Variants in CDH13 observed in about 807,000 individuals in gnomAD.
CDH13 encodes cadherin-13.
Under a neutral mutation model 63.8 loss-of-function variants are expected in CDH13, and 24 were observed. The ratio of observed to expected loss-of-function variants is 0.38; its 90% confidence interval spans 0.27 to 0.53. CDH13 has a LOEUF of 0.53. Among genes scored for constraint, CDH13 ranks in the 20% least tolerant of loss-of-function variants. The pLI, the probability that CDH13 is intolerant of heterozygous loss-of-function variation, is 0.85. For synonymous variants in CDH13, 503 were observed against 355.3 expected (o/e 1.42, Z -4.67); for missense variants, 1,049 against 903.1 (o/e 1.16, Z -2.07).
intron 3 of CDH13, among the ~76,000 whole-genome samples, chr16:83,103,517 A>G (rs1473424896): frequency 6.6e-6 from 1 of 152,154 alleles, no homozygotes; most frequent in African/African-American, 2.4e-5. Context: ...AAGTACTGAG[A>G]TTACAGGCAT....
In CDH13 at chr16:83,769,299, T is replaced by C. The variant is rs1339885739; in HGVS notation, c.1682-10669T>C. Among the ~76,000 whole-genome samples the C allele has an allele frequency of 2.0e-5, 3 of 152,228 alleles. 1 individual carries two copies. The South Asian group carries it at 6.2e-4, about 32-fold the overall frequency. On this transcript the variant is annotated intron_variant, in intron 11 of 13. Transcript: ENST00000567109. ...GGGATGCAAATCAATTCTTAAACAGTCTTCTGGCCTTAATGTCAGAGATCC... is the reference window on the plus strand; with the variant it reads ...GGGATGCAAATCAATTCTTAAACAGCCTTCTGGCCTTAATGTCAGAGATCC...
At chr16:83,461,870 C>A (rs963638177) in intron 6 of CDH13, among the ~76,000 whole-genome samples, 1 of 152,186 alleles carries the variant, frequency 6.6e-6, no homozygotes, top group African/African-American at 2.4e-5. Context: ...CCCAAGATCT[C>A]ACCAAAGCCA....
intron 7 of CDH13, among the ~76,000 whole-genome samples, chr16:83,490,064 C>G (rs1243666409): frequency 2.0e-5 from 3 of 151,660 alleles, no homozygotes; most frequent in Non-Finnish European, 4.4e-5. Context: ...ACCAGCACCT[C>G]TGGCTCTCAC....
intron 6 of CDH13, among the ~76,000 whole-genome samples, chr16:83,427,936 C>T (rs1301797894): frequency 2.6e-5 from 4 of 152,242 alleles, no homozygotes; most frequent in Non-Finnish European, 5.9e-5. Context: ...TTGGCTGCTC[C>T]ATGTCACCTC....
chr16:83,032,405 C>G (rs767662904), intron 3 of CDH13, 187 bp downstream of exon 3: 15 of 584,496 alleles, frequency 2.6e-5, no homozygotes, highest in African/African-American at 1.7e-4. Context: ...ATTCATGTAA[C>G]TAATTGAGGC....
Position 82,932,813 on chromosome 16 carries a change from C to T in CDH13, c.157+74340C>T, listed in dbSNP as rs572625920. ...CTGAAATGGTGGCCTAAAGTGTGAACGATTAACTTAATAGGAACAAATGTA... is the reference window on the plus strand; with the variant it reads ...CTGAAATGGTGGCCTAAAGTGTGAATGATTAACTTAATAGGAACAAATGTA... On this transcript the variant is annotated intron_variant, in intron 2 of 13. Transcript: ENST00000567109. 1.9e-4 allele frequency among the ~76,000 whole-genome samples: 29 copies of T among 152,056 alleles called. No individual in the cohort carries two copies. The East Asian group carries it at 2.3e-3, about 12-fold the overall frequency.
chr16:82,997,720 G>A (rs1912402187), intron 2 of CDH13, among the ~76,000 whole-genome samples: 1 of 152,152 alleles, frequency 6.6e-6, no homozygotes, highest in Non-Finnish European at 1.5e-5. Context: ...GCTGGGATTT[G>A]AGCTCAGCTA....
At chr16:82,909,968 C>T (rs1446839057) in intron 2 of CDH13, among the ~76,000 whole-genome samples, 1 of 152,154 alleles carries the variant, frequency 6.6e-6, no homozygotes, top group Non-Finnish European at 1.5e-5. Flanking sequence ...ACCTTCCCTC[C>T]CTGCCTTCTT....
intron 5 of CDH13, among the ~76,000 whole-genome samples, chr16:83,233,905 A>T (rs2040074573): frequency 6.6e-6 from 1 of 152,134 alleles, no homozygotes; most frequent in Admixed American, 6.5e-5. Context: ...TGTATAGATG[A>T]GGTAATGGAG....
At chr16:82,984,752 A>C (rs1910723308) in intron 2 of CDH13, among the ~76,000 whole-genome samples, 1 of 152,156 alleles carries the variant, frequency 6.6e-6, no homozygotes, top group African/African-American at 2.4e-5. Flanking sequence ...AAACCTAGGC[A>C]ATTCAGTCAA....
chr16:83,709,051 A>T (rs114090559), intron 10 of CDH13, among the ~76,000 whole-genome samples: 1,685 of 152,246 alleles, frequency 0.011, 40 homozygotes, highest in African/African-American at 0.039. Context: ...AATAAAAATT[A>T]AATTAAAAAA....
intron 2 of CDH13, among the ~76,000 whole-genome samples, chr16:82,867,614 T>A (rs1027266111): frequency 2.6e-5 from 4 of 152,212 alleles, no homozygotes; most frequent in African/African-American, 4.8e-5. Flanking sequence ...TTAATCATAT[T>A]TGTACTTAAC....
At chr16:82,708,337 A>G (rs1212736029) in intron 1 of CDH13, among the ~76,000 whole-genome samples, 2 of 152,144 alleles carry the variant, frequency 1.3e-5, no homozygotes, top group Non-Finnish European at 2.9e-5. Flanking sequence ...GGGAGTTACT[A>G]TAAAAGTGCA....
chr16:83,330,213 A>G (rs544658236), intron 5 of CDH13, among the ~76,000 whole-genome samples: 2 of 152,242 alleles, frequency 1.3e-5, no homozygotes, highest in African/African-American at 2.4e-5. Flanking sequence ...GTAAACACAC[A>G]CACACATGCA....
At chr16:83,187,215 C>G (rs1014678585) in intron 4 of CDH13, among the ~76,000 whole-genome samples, 7 of 152,186 alleles carry the variant, frequency 4.6e-5, no homozygotes, top group African/African-American at 1.7e-4. Context: ...AGGTGATCCA[C>G]CCACCTCGGC....
chr16:83,442,421 G>C (rs1165565830), intron 6 of CDH13, among the ~76,000 whole-genome samples: 3 of 152,194 alleles, frequency 2.0e-5, no homozygotes, highest in Non-Finnish European at 4.4e-5. Context: ...CATCATTAAA[G>C]AGCACAAAGA....
chr16:82,905,046 C>G (rs2041596340), intron 2 of CDH13, among the ~76,000 whole-genome samples: 1 of 152,128 alleles, frequency 6.6e-6, no homozygotes. Context: ...GGACTCTTCC[C>G]TAGAAGCATC....
intron 2 of CDH13, among the ~76,000 whole-genome samples, chr16:82,877,999 C>A (rs140799246): frequency 6.6e-6 from 1 of 151,356 alleles, no homozygotes; most frequent in South Asian, 2.1e-4. Context: ...TATATATATT[C>A]TCATTCTGCT....
intron 10 of CDH13, among the ~76,000 whole-genome samples, chr16:83,706,216 C>G (rs990619622): frequency 6.6e-6 from 1 of 152,196 alleles, no homozygotes; most frequent in Admixed American, 6.5e-5. Context: ...GGCCTGGGCT[C>G]TCTCACAACA....
Sources: gnomAD v4.1 joint callset for allele counts (sites outside exome capture counted in the v4.1 genomes callset) on GRCh38, gnomAD v4.1.1 for gene constraint, MANE v1.5 for transcripts, NCBI Gene and HGNC (gene_info 2026-07-23, HGNC 2026-07-21) for gene names.